Variants in DLG2 observed in about 807,000 individuals in gnomAD.
DLG2 encodes disks large homolog 2.
DLG2 carries 45 observed loss-of-function variants against 132.5 expected under a neutral mutation model. The ratio of observed to expected loss-of-function variants is 0.34; its 90% CI spans 0.27 to 0.44. DLG2 has a LOEUF of 0.44. Ranked by LOEUF, DLG2 falls within the 20% of genes least tolerant of loss-of-function variation. The pLI, the probability that DLG2 is intolerant of heterozygous loss-of-function variation, is 1.00. For synonymous variants in DLG2, 424 were observed against 419.6 expected (o/e 1.01, Z -0.13); for missense variants, 1,045 against 1,196.9 (o/e 0.87, Z 1.87).
chr11:83,511,744 T>TA (rs1396110892), intron 21 of DLG2, among the ~76,000 whole-genome samples: 3 of 136,122 alleles, frequency 2.2e-5, no homozygotes, highest in Non-Finnish European at 3.3e-5. Context: ...TTTTTTTTTT[T>TA]AAAGAGCCAG....
At chr11:83,840,426 C>T (rs1393491899) in intron 16 of DLG2, among the ~76,000 whole-genome samples, 1 of 152,138 alleles carries the variant, frequency 6.6e-6, no homozygotes, top group East Asian at 1.9e-4. Flanking sequence ...ATGTCTTTCC[C>T]TCTTCCTAGA....
intron 6 of DLG2, among the ~76,000 whole-genome samples, chr11:84,774,097 C>CA (rs143005208): frequency 0.077 from 11,659 of 152,038 alleles, 522 homozygotes; most frequent in Non-Finnish European, 0.11. Context: ...TTTCAGGACA[C>CA]AAAATCAATG....
intron 6 of DLG2, among the ~76,000 whole-genome samples, chr11:84,595,155 A>G (rs573574148): frequency 3.9e-5 from 6 of 152,300 alleles, no homozygotes; most frequent in African/African-American, 1.4e-4. Flanking sequence ...CTATTTCTGA[A>G]GCACAGTGGT....
At chr11:84,281,399 G>A (rs1333237412) in intron 7 of DLG2, among the ~76,000 whole-genome samples, 3 of 151,810 alleles carry the variant, frequency 2.0e-5, no homozygotes, top group Non-Finnish European at 4.4e-5. Context: ...TCTCATAAAG[G>A]ACTTGTTTCT....
At chr11:84,169,204 T>G (rs2095753431) in intron 8 of DLG2, among the ~76,000 whole-genome samples, 1 of 152,206 alleles carries the variant, frequency 6.6e-6, no homozygotes, top group African/African-American at 2.4e-5. Flanking sequence ...ACATCTTAAG[T>G]GATTAAAGAA....
intron 15 of DLG2, among the ~76,000 whole-genome samples, chr11:83,882,932 A>G (rs1038085935): frequency 6.6e-6 from 1 of 152,188 alleles, no homozygotes; most frequent in African/African-American, 2.4e-5. Context: ...GAGATCGAAG[A>G]CAGATGCAAT....
At position 85,023,184 on chromosome 11, in the gene DLG2, A is replaced by C. The variant is rs560917297; in HGVS notation, c.357+88477T>G. Among the ~76,000 whole-genome samples, 3 of 152,200 alleles carry C rather than the reference A, an allele frequency of 2.0e-5. No individual in the cohort carries two copies. In the South Asian group the frequency reaches 6.2e-4, roughly 32 times the overall value. On this transcript the variant is annotated intron_variant, in intron 6 of 27. Transcript: ENST00000376104. Reference sequence around the variant, plus strand: ...ACAAGAAGGGTGCTTTATTTGTATTAGTCCCTAAAAATCTTAGAATGAGGT... The same window carrying C: ...ACAAGAAGGGTGCTTTATTTGTATTCGTCCCTAAAAATCTTAGAATGAGGT...
At chr11:83,753,926 A>G (rs1293282095) in intron 18 of DLG2, among the ~76,000 whole-genome samples, 13 of 138,954 alleles carry the variant, frequency 9.4e-5, no homozygotes, top group Non-Finnish European at 1.8e-4. Context: ...TCATATATAT[A>G]GTGTCTATTT....
intron 6 of DLG2, among the ~76,000 whole-genome samples, chr11:85,016,278 C>A (rs1312030008): frequency 6.6e-6 from 1 of 152,092 alleles, no homozygotes; most frequent in Non-Finnish European, 1.5e-5. Context: ...AAAATGCATG[C>A]TGAATATTTA....
intron 18 of DLG2, chr11:83,647,689 A>G (rs1010836102): frequency 2.6e-5 from 4 of 152,160 alleles, no homozygotes; most frequent in African/African-American, 9.7e-5. Context: ...CATATATCTT[A>G]CATGTGTTGT....
At chr11:84,564,116 A>G (rs2099439784) in intron 6 of DLG2, among the ~76,000 whole-genome samples, 1 of 152,178 alleles carries the variant, frequency 6.6e-6, no homozygotes, top group African/African-American at 2.4e-5. Flanking sequence ...AGCACAGCCT[A>G]TTTTATCCAG....
At chr11:85,468,401 G>A (rs1163258324) in intron 3 of DLG2, among the ~76,000 whole-genome samples, 1 of 152,118 alleles carries the variant, frequency 6.6e-6, no homozygotes, top group Non-Finnish European at 1.5e-5. Flanking sequence ...TAATTGTGAT[G>A]TTCGGGTGTC....
intron 18 of DLG2, among the ~76,000 whole-genome samples, chr11:83,696,447 G>A (rs2081961854): frequency 6.6e-6 from 1 of 152,038 alleles, no homozygotes; most frequent in African/African-American, 2.4e-5. Flanking sequence ...TACTCATTAG[G>A]TAAGCCAGCC....
rs2062962074 is a variant in DLG2, at chr11:85,052,131, A to C, written c.357+59530T>G. Among the ~76,000 whole-genome samples, 2 of 152,230 alleles carry C rather than the reference A, an allele frequency of 1.3e-5. 1 individual carries two copies. Among genetic ancestry groups the C allele is most frequent in the South Asian group, 4.1e-4 (2 of 4,834 alleles). ...CAAGAATGAAAATCAATATGCAAGA[A>C]AAGTGAAGAGAATGTTCTCTAATGT... On this transcript the variant is annotated intron_variant, in intron 6 of 27. Coordinates refer to ENST00000376104, the MANE Select transcript of DLG2 (RefSeq NM_001142699.3).
chr11:85,315,905 T>C (rs2080635825), intron 3 of DLG2, among the ~76,000 whole-genome samples: 1 of 151,950 alleles, frequency 6.6e-6, no homozygotes, highest in African/African-American at 2.4e-5. Context: ...TCTCCTCTGC[T>C]CTGGAAAAAA....
At chr11:85,289,042 C>G (rs1013752007) in intron 3 of DLG2, among the ~76,000 whole-genome samples, 5 of 151,782 alleles carry the variant, frequency 3.3e-5, no homozygotes, top group African/African-American at 1.2e-4. Context: ...AATTTATACC[C>G]CCAAATGTGA....
At chr11:84,048,837 G>C (rs1368143391) in intron 11 of DLG2, among the ~76,000 whole-genome samples, 1 of 146,978 alleles carries the variant, frequency 6.8e-6, no homozygotes, top group South Asian at 2.2e-4. Flanking sequence ...ACTTGTTAAA[G>C]AAAAAAAAAC....
In DLG2 at chr11:85,517,931, C is replaced by T. The variant is rs560320918; in HGVS notation, c.40+80726G>A. On this transcript the variant is annotated intron_variant, in intron 3 of 27. Transcript: ENST00000376104. ...CTGATGGTTATTATAAGGAGAGTTT[C>T]CCTGCACAAGTTCTTTTCCCTTTGC... is the stretch of plus-strand genomic sequence containing the variant. 2.6e-5 allele frequency among the ~76,000 whole-genome samples: 4 copies of T among 152,266 alleles called. No individual in the cohort carries two copies. In the South Asian group the frequency reaches 8.3e-4, roughly 32 times the overall value.
chr11:84,977,622 T>C (rs2055092426), intron 6 of DLG2, among the ~76,000 whole-genome samples: 1 of 152,198 alleles, frequency 6.6e-6, no homozygotes, highest in South Asian at 2.1e-4. Flanking sequence ...AACCAAACGC[T>C]ACCCTTTTCT....
Sources: gnomAD v4.1 joint callset for allele counts (sites outside exome capture counted in the v4.1 genomes callset) on GRCh38, gnomAD v4.1.1 for gene constraint, MANE v1.5 for transcripts, NCBI Gene and HGNC (gene_info 2026-07-23, HGNC 2026-07-21) for gene names.